Variants in ZNF875 observed in about 807,000 individuals in gnomAD.
ZNF875 encodes HKR1, GLI-Kruppel zinc finger family member.
A neutral mutation model predicts 11.2 loss-of-function variants in ZNF875; 14 were observed. The ratio of observed to expected loss-of-function variants is 1.26; its 90% CI spans 0.83 to 1.96. ZNF875 has a LOEUF of 1.96. Among genes scored for constraint, ZNF875 ranks in the 30% most tolerant of loss-of-function variants. The probability of loss-of-function intolerance (pLI) is 0.00; values close to 1 mark genes in which losing one functional copy is unlikely to be tolerated. For missense variants in ZNF875, 752 were observed against 760.4 expected, an observed-to-expected ratio of 0.99 and a Z score of 0.13; for synonymous variants, 301 against 281.1, an observed-to-expected ratio of 1.07 and a Z score of -0.71.
chr19:37,332,808 T>G (rs2033607213), upstream of ZNF875, among the ~76,000 whole-genome samples: 1 of 152,202 alleles, frequency 6.6e-6, no homozygotes, highest in African/African-American at 2.4e-5. Context: ...TCTTCCCCAC[T>G]GCGTTTATAA....
Position 37,363,609 on chromosome 19 carries a change from A to T in ZNF875, c.1757A>T (p.Lys586Met). 1 of 1,613,736 alleles carries T rather than the reference A, an allele frequency of 6.2e-7. No individual in the cohort carries two copies. Among genetic ancestry groups the T allele is most frequent in the Non-Finnish European group, 8.5e-7 (1 of 1,179,922 alleles). The change falls in exon 5 of 5, where the codon AAG becomes ATG. Residue 586 changes from lysine to methionine, a missense_variant. By Grantham distance (95) the Lys-to-Met change is moderately conservative. Coordinates refer to ENST00000392153, the MANE Select transcript of ZNF875 (RefSeq NM_001353803.2). The part of the protein sequence containing the change: ...IKHQRAHAGG[K>M]PHVCRECGQG... ...CACCAGAGAGCACACGCAGGGGGGA[A>T]GCCTCATGTGTGCAGGGAGTGTGGG...
rs1437775280 is a variant in ZNF875, at chr19:37,363,380, G to GAGTGTGGACGAGGCTTTAATGATA, written c.1532_1555dup (p.Cys511_Lys518dup). The GAGTGTGGACGAGGCTTTAATGATA allele has an allele frequency of 1.2e-6, 2 of 1,613,778 alleles. No individual in the cohort carries two copies. The highest frequency in any genetic ancestry group is 3.3e-4 in the Middle Eastern group (2 of 6,060). ...AGGGGAGAAGCCATTTGTATGTGCTGAGTGTGGACGAGGCTTTAATGATAA... is the reference window on the plus strand; with the variant it reads ...AGGGGAGAAGCCATTTGTATGTGCTGAGTGTGGACGAGGCTTTAATGATAAGTGTGGACGAGGCTTTAATGATAA... On this transcript the variant is annotated inframe_insertion, in exon 5 of 5. Coordinates refer to ENST00000392153, the MANE Select transcript of ZNF875 (RefSeq NM_001353803.2).
chr19:37,344,867 G>A, intron 2 of ZNF875: 1 of 834,152 alleles, frequency 1.2e-6, no homozygotes, highest in South Asian at 1.4e-5. Flanking sequence ...TATGTTCTGA[G>A]AAGGGGTTGT....
chr19:37,345,072 C>T (rs909420015), intron 2 of ZNF875: 7 of 281,278 alleles, frequency 2.5e-5, no homozygotes, highest in African/African-American at 4.3e-5. Context: ...CCTACAGTGA[C>T]CTCTCCCTCT....
In ZNF875 at chr19:37,363,382, G is replaced by A. The variant is rs2040302709; in HGVS notation, c.1530G>A (p.Glu510=). The change falls in exon 5 of 5, where the codon GAG becomes GAA. Residue 510 remains glutamate (E), a synonymous_variant. Coordinates refer to ENST00000392153, the MANE Select transcript of ZNF875 (RefSeq NM_001353803.2). ...HSGEKPFVCA[E]CGRGFNDKST... ...GGGAGAAGCCATTTGTATGTGCTGA[G>A]TGTGGACGAGGCTTTAATGATAAGT... 1 of 1,613,436 alleles carries A rather than the reference G, an allele frequency of 6.2e-7. No individual in the cohort carries two copies. The highest frequency in any genetic ancestry group is 2.2e-5 in the East Asian group (1 of 44,762).
At chr19:37,344,316 G>C (rs1261607925) in intron 2 of ZNF875, among the ~76,000 whole-genome samples, 1 of 152,096 alleles carries the variant, frequency 6.6e-6, no homozygotes, top group Non-Finnish European at 1.5e-5. Flanking sequence ...ACATTGCTGG[G>C]CTCCCCCCGC....
intron 2 of ZNF875, among the ~76,000 whole-genome samples, chr19:37,345,900 A>G (rs1255088395): frequency 6.6e-6 from 1 of 152,188 alleles, no homozygotes; most frequent in Non-Finnish European, 1.5e-5. Context: ...ATATATTCCC[A>G]TCCTCCAAAG....
intron 4 of ZNF875, among the ~76,000 whole-genome samples, chr19:37,358,254 C>T (rs1482824509): frequency 6.8e-6 from 1 of 147,786 alleles, no homozygotes; most frequent in East Asian, 2.0e-4. Context: ...ACACTATTCT[C>T]CTGCCTCAGC....
chr19:37,313,489 C>G (rs2030049631), upstream of ZNF875, among the ~76,000 whole-genome samples: 1 of 152,246 alleles, frequency 6.6e-6, no homozygotes, highest in East Asian at 1.9e-4. Flanking sequence ...CTCACTGATT[C>G]CACACACATC....
In ZNF875 at chr19:37,362,686, G is replaced by C; in HGVS notation, c.834G>C (p.Gly278=). The part of the protein sequence containing the change: ...VLIKNPRTHS[G]GKPYVCRECG... ...TCAAAAACCCAAGGACACACTCTGG[G>C]GGAAAGCCTTATGTGTGCAGGGAAT... is the stretch of plus-strand genomic sequence containing the variant. The change falls in exon 5 of 5, where the codon GGG becomes GGC. Residue 278 remains glycine, a synonymous_variant. Transcript: ENST00000392153. The C allele has an allele frequency of 6.2e-7, 1 of 1,613,280 alleles. No individual in the cohort carries two copies. The highest frequency in any genetic ancestry group is 1.1e-5 in the South Asian group (1 of 90,916).
At position 37,356,926 on chromosome 19, in the gene ZNF875, C is replaced by A. The variant is rs182953400; in HGVS notation, c.257-5183C>A. 2.0e-5 allele frequency among the ~76,000 whole-genome samples: 3 copies of A among 152,192 alleles called. No individual in the cohort carries two copies. The East Asian group carries it at 5.8e-4, about 29-fold the overall frequency. On this transcript the variant is annotated intron_variant, in intron 4 of 4. Coordinates refer to ENST00000392153, the MANE Select transcript of ZNF875 (RefSeq NM_001353803.2). The stretch of plus-strand genomic sequence containing the variant: ...TGGCCAATGTCCAGAGAAGTTTTTC[C>A]TAGTTTTCCTTTAGGAATTTTATAG...
intron 2 of ZNF875, chr19:37,346,944 A>G (rs1327180486): frequency 2.5e-6 from 1 of 397,716 alleles, no homozygotes; most frequent in Non-Finnish European, 4.7e-6. Flanking sequence ...GCTTACCGCA[A>G]GTAACTGGGA....
chr19:37,343,370 C>CA (rs34474063), intron 2 of ZNF875, among the ~76,000 whole-genome samples: 10,541 of 120,754 alleles, frequency 0.087, 406 homozygotes, highest in Admixed American at 0.1. Context: ...AAAATAAAAC[C>CA]AAAAAAAAAA....
At chr19:37,354,404 A>G (rs748874119) in intron 4 of ZNF875, among the ~76,000 whole-genome samples, 1 of 150,580 alleles carries the variant, frequency 6.6e-6, no homozygotes, top group Non-Finnish European at 1.5e-5. Context: ...CTGGTTATGT[A>G]TATTTTCCAG....
At chr19:37,314,872 T>C (rs2030118523), upstream of ZNF875, 1 of 152,178 alleles carries the variant, frequency 6.6e-6, no homozygotes, top group Non-Finnish European at 1.5e-5. Flanking sequence ...GCACTATTTT[T>C]TTTTGAAGTT....
upstream of ZNF875, among the ~76,000 whole-genome samples, chr19:37,315,952 G>C (rs1293760092): frequency 6.6e-6 from 1 of 152,152 alleles, no homozygotes; most frequent in African/African-American, 2.4e-5. Flanking sequence ...TTTAGGATCT[G>C]AGAAGACCAA....
intron 3 of ZNF875, chr19:37,323,690 G>A (rs1219542937): frequency 2.6e-5 from 4 of 152,110 alleles, no homozygotes; most frequent in Non-Finnish European, 5.9e-5. Flanking sequence ...TAACCCAAAC[G>A]GAAAAGAGAA....
At chr19:37,326,356 G>A (rs935061671) in intron 4 of ZNF875, among the ~76,000 whole-genome samples, 8 of 152,122 alleles carry the variant, frequency 5.3e-5, no homozygotes, top group Non-Finnish European at 1.0e-4. Context: ...CACCCCTGCA[G>A]TCTGTGACTA....
chr19:37,321,309 C>T (rs2031394013), intron 1 of ZNF875, among the ~76,000 whole-genome samples: 1 of 152,204 alleles, frequency 6.6e-6, no homozygotes, highest in Admixed American at 6.5e-5. Context: ...TGGAATGTCT[C>T]TGTGTAAAAC....
Sources: gnomAD v4.1 joint callset for allele counts (sites outside exome capture counted in the v4.1 genomes callset) on GRCh38, gnomAD v4.1.1 for gene constraint, MANE v1.5 for transcripts, NCBI Gene and HGNC (gene_info 2026-07-23, HGNC 2026-07-21) for gene names.